ABLIM3: variants seen among roughly 807,000 people sequenced by gnomAD.
The protein encoded by ABLIM3 is actin binding LIM protein family member 3, also known as actin-binding LIM protein 3.
Under a neutral mutation model 109.5 loss-of-function variants are expected in ABLIM3, and 61 were observed. That is an observed-to-expected ratio of 0.56 (90% CI 0.45 to 0.69). The LOEUF (loss-of-function observed/expected upper bound fraction) is 0.69, where lower values mean the gene tolerates loss of function less well. Among genes scored for constraint, ABLIM3 ranks in the 30% least tolerant of loss-of-function variants. The pLI, the probability that ABLIM3 is intolerant of heterozygous loss-of-function variation, is 0.00. For missense variants in ABLIM3, 796 were observed against 889.5 expected (o/e 0.89, Z 1.34); for synonymous variants, 300 against 324.8 (o/e 0.92, Z 0.82).
chr5:149,188,770 CAT>C (rs1426000296), intron 3 of ABLIM3, among the ~76,000 whole-genome samples: 1 of 152,222 alleles, frequency 6.6e-6, no homozygotes, highest in Admixed American at 6.5e-5. Context: ...AGGGCTTCAA[CAT>C]ATGAATTGGG....
intron 5 of ABLIM3, among the ~76,000 whole-genome samples, chr5:149,203,035 C>T (rs537462026): frequency 6.6e-6 from 1 of 151,894 alleles, no homozygotes; most frequent in African/African-American, 2.4e-5. Flanking sequence ...ATTGCCATCA[C>T]ACCACCACCA....
intron 6 of ABLIM3, among the ~76,000 whole-genome samples, 190 bp from the exon 7 acceptor site, chr5:149,210,536 G>A (rs1235238746): frequency 6.6e-6 from 1 of 152,196 alleles, no homozygotes; most frequent in Non-Finnish European, 1.5e-5. Flanking sequence ...GGTCCCAGGA[G>A]GCTTCCTGTC....
At chr5:149,206,645 A>T (rs1759004580) in intron 5 of ABLIM3, among the ~76,000 whole-genome samples, 1 of 152,164 alleles carries the variant, frequency 6.6e-6, no homozygotes, top group Non-Finnish European at 1.5e-5. Flanking sequence ...AATGCTGCAC[A>T]CTGCCAGCTT....
Position 149,248,898 on chromosome 5 carries a change from A to T in ABLIM3, c.1700-917A>T, listed in dbSNP as rs901586293. On this transcript the variant is annotated intron_variant, in intron 18 of 23. Transcript: ENST00000309868. ...CACACACACACACACACACACACAC[A>T]CTCTGTCTGCCTCCTCCTTTTCTTA... Among the ~76,000 whole-genome samples the T allele has an allele frequency of 1.6e-3, 227 of 139,746 alleles. 1 individual carries two copies. The highest frequency in any genetic ancestry group is 5.7e-3 in the African/African-American group (220 of 38,418). 91.7% of individuals were successfully genotyped at this position (139,746 alleles called of 152,430 possible).
intron 3 of ABLIM3, among the ~76,000 whole-genome samples, chr5:149,196,043 G>A (rs1757940405): frequency 6.6e-6 from 1 of 152,224 alleles, no homozygotes; most frequent in African/African-American, 2.4e-5. Context: ...CCAGAGAAGT[G>A]AGGGTAAAGT....
At chr5:149,153,531 C>T (rs1412010130) in intron 2 of ABLIM3, among the ~76,000 whole-genome samples, 1 of 152,146 alleles carries the variant, frequency 6.6e-6, no homozygotes, top group African/African-American at 2.4e-5. Context: ...TGATTTCAGG[C>T]CATATGGACA....
At chr5:149,161,009 T>C (rs1283708046) in intron 2 of ABLIM3, among the ~76,000 whole-genome samples, 1 of 152,172 alleles carries the variant, frequency 6.6e-6, no homozygotes, top group Non-Finnish European at 1.5e-5. Context: ...ATCCCCTCCC[T>C]CTATCTCTTC....
intron 9 of ABLIM3, among the ~76,000 whole-genome samples, chr5:149,231,429 G>A (rs1403590222): frequency 6.6e-6 from 1 of 152,168 alleles, no homozygotes; most frequent in African/African-American, 2.4e-5. Flanking sequence ...TTGGGGGATG[G>A]GGAATGGGGC....
In ABLIM3 at chr5:149,200,444, G is replaced by T; in HGVS notation, c.448+16G>T. 6.2e-7 allele frequency: 1 copy of T among 1,610,058 alleles called. No homozygotes were observed. Among genetic ancestry groups the T allele is most frequent in the Non-Finnish European group, 8.5e-7 (1 of 1,176,390 alleles). On this transcript the variant is annotated intron_variant, in intron 5 of 23. Transcript: ENST00000309868. ...GGACCAAGCCGTGAGTCCTCCCCAC[G>T]GGTATCTCCCTGTCCATGGGTGTGA...
At chr5:149,197,865 C>A (rs549458495) in intron 3 of ABLIM3, among the ~76,000 whole-genome samples, 9 of 152,174 alleles carry the variant, frequency 5.9e-5, no homozygotes, top group East Asian at 3.8e-4. Flanking sequence ...TCAGCCTATC[C>A]GGGTGAGGGA....
chr5:149,200,470 T>A (rs751536510), intron 5 of ABLIM3, 42 bp downstream of exon 5: 2 of 1,587,734 alleles, frequency 1.3e-6, no homozygotes, highest in Non-Finnish European at 1.7e-6. Flanking sequence ...ATGGGTGTGA[T>A]CTCTCTGGGC....
chr5:149,222,942 C>T (rs1013372460), intron 8 of ABLIM3, among the ~76,000 whole-genome samples: 1 of 152,138 alleles, frequency 6.6e-6, no homozygotes, highest in Non-Finnish European at 1.5e-5. Flanking sequence ...CTACTGACAG[C>T]TTAGGTTGTA....
chr5:149,259,401 C>G lies in ABLIM3; in HGVS notation c.*997C>G. 1.3e-6 allele frequency: 2 copies of G among 1,489,814 alleles called. No individual in the cohort carries two copies. Among genetic ancestry groups the G allele is most frequent in the Non-Finnish European group, 1.8e-6 (2 of 1,122,940 alleles). The allele number at this position is 1,489,814 out of a possible 1,614,324, so 92.3% of individuals were successfully genotyped here. Reference sequence around the variant, plus strand: ...TCCAACTGAACAACCAGACAGACAACTCTCATCATCCTCCAGAGAGAAAAT... The same window carrying G: ...TCCAACTGAACAACCAGACAGACAAGTCTCATCATCCTCCAGAGAGAAAAT... On this transcript the variant is annotated 3_prime_UTR_variant, in exon 24 of 24. Coordinates refer to ENST00000309868, the MANE Select transcript of ABLIM3 (RefSeq NM_014945.5).
intron 8 of ABLIM3, among the ~76,000 whole-genome samples, chr5:149,224,999 CTG>C (rs1269252832): frequency 6.6e-6 from 1 of 152,196 alleles, no homozygotes; most frequent in Non-Finnish European, 1.5e-5. Context: ...AATGATCACA[CTG>C]TTGTTATTAC....
chr5:149,216,889 C>G lies in ABLIM3; in HGVS notation c.670-70C>G, dbSNP rs192171107. On this transcript the variant is annotated intron_variant, in intron 7 of 23. Coordinates refer to ENST00000309868, the MANE Select transcript of ABLIM3 (RefSeq NM_014945.5). ...AACACTAATGTACCCAGGAAAGATT[C>G]AAACCCAATCTGCCCCACTAGACAG... is the stretch of plus-strand genomic sequence containing the variant. 5 of 1,402,502 alleles carry G rather than the reference C, an allele frequency of 3.6e-6. No homozygotes were observed. In the East Asian group the frequency reaches 1.2e-4, roughly 33 times the overall value. 86.9% of individuals were successfully genotyped at this position (1,402,502 alleles called of 1,614,324 possible). A position where few individuals can be genotyped will look rare whatever the true frequency, so the allele number is the denominator to read the frequency against.
intron 21 of ABLIM3, among the ~76,000 whole-genome samples, chr5:149,251,789 T>C (rs1019370845): frequency 1.5e-4 from 23 of 152,204 alleles, no homozygotes; most frequent in Non-Finnish European, 2.9e-5. Flanking sequence ...AGCTTCCTGC[T>C]CTCTGCCAGT....
chr5:149,191,047 G>T (rs1458986442), intron 3 of ABLIM3, among the ~76,000 whole-genome samples: 1 of 152,144 alleles, frequency 6.6e-6, no homozygotes, highest in Non-Finnish European at 1.5e-5. Flanking sequence ...CAAAAAGTTT[G>T]AAGAGCAGAA....
At chr5:149,233,387 G>A in intron 10 of ABLIM3, 87 bp downstream of exon 10, 1 of 1,369,692 alleles carries the variant, frequency 7.3e-7, no homozygotes, top group South Asian at 1.2e-5. Context: ...GAGCTCTCAA[G>A]TTTTCATCCA....
At chr5:149,206,951 T>C (rs1254982804) in intron 5 of ABLIM3, 57 bp from the exon 6 acceptor site, 11 of 1,579,048 alleles carry the variant, frequency 7.0e-6, no homozygotes, top group Non-Finnish European at 9.5e-6. Context: ...GGGCCTGAGA[T>C]AGCGGGGGTT....
Sources: gnomAD v4.1 joint callset for allele counts (sites outside exome capture counted in the v4.1 genomes callset) on GRCh38, gnomAD v4.1.1 for gene constraint, MANE v1.5 for transcripts, NCBI Gene and HGNC (gene_info 2026-07-23, HGNC 2026-07-21) for gene names.